Variants in NLK observed in about 807,000 individuals in gnomAD.
NLK encodes nemo like kinase.
A neutral mutation model predicts 59.0 loss-of-function variants in NLK; 11 were observed. That is an observed-to-expected ratio of 0.19 (90% CI 0.12 to 0.31). The LOEUF (loss-of-function observed/expected upper bound fraction) is 0.31, where lower values mean the gene tolerates loss of function less well. NLK is among the 10% of genes least tolerant of loss of function. The probability of loss-of-function intolerance (pLI) is 1.00; values close to 1 mark genes in which losing one functional copy is unlikely to be tolerated. For synonymous variants in NLK, 235 were observed against 235.9 expected (o/e 1.00, Z 0.03); for missense variants, 410 against 661.1 (o/e 0.62, Z 4.16).
chr17:28,074,781 G>A (rs981715575), intron 1 of NLK, among the ~76,000 whole-genome samples: 8 of 152,058 alleles, frequency 5.3e-5, no homozygotes, highest in Admixed American at 2.6e-4. Flanking sequence ...AGAATTCTTC[G>A]TAGAGAGCAA....
intron 1 of NLK, among the ~76,000 whole-genome samples, chr17:28,056,543 A>T (rs1909452062): frequency 1.3e-5 from 2 of 152,236 alleles, no homozygotes; most frequent in African/African-American, 4.8e-5. Context: ...AGGAACGTGC[A>T]TCTGAGAAAA....
chr17:28,126,952 T>C (rs1384675831), intron 2 of NLK, among the ~76,000 whole-genome samples: 1 of 152,178 alleles, frequency 6.6e-6, no homozygotes, highest in Non-Finnish European at 1.5e-5. Flanking sequence ...ATCTTTGAGA[T>C]GAAAGCTATG....
chr17:28,191,307 A>C, intron 9 of NLK, 88 bp downstream of exon 9: 1 of 953,756 alleles, frequency 1.0e-6, no homozygotes, highest in African/African-American at 1.6e-5. Flanking sequence ...TCTGGATGGT[A>C]ACCAAAGCTC....
chr17:28,191,204 G>C lies in NLK; in HGVS notation c.1420G>C (p.Val474Leu). 6.2e-7 allele frequency: 1 copy of C among 1,610,302 alleles called. No individual in the cohort carries two copies. The highest frequency in any genetic ancestry group is 8.5e-7 in the Non-Finnish European group (1 of 1,178,564). ...DDTFEKNLSS[V>L]RQVKEIIHQF... ...CACTTTCGAGAAGAACCTCAGTTCT[G>C]TCCGACAGGTTAAAGGTGAGTATCT... Residue 474 changes from valine to leucine, a missense_variant, in exon 9 of 11, where the codon GTC becomes CTC. Physicochemically the swap from Val to Leu is conservative, Grantham distance 32. This residue lies in a region of NLK where 150 missense variants were observed against 244.3 expected (regional missense o/e 0.61). Coordinates refer to ENST00000407008, the MANE Select transcript of NLK (RefSeq NM_016231.5).
intron 3 of NLK, among the ~76,000 whole-genome samples, chr17:28,145,423 G>C (rs994322463): frequency 3.3e-5 from 5 of 152,170 alleles, no homozygotes; most frequent in Admixed American, 6.5e-5. Flanking sequence ...GAGGTTCTCA[G>C]AGGTCTCACA....
Position 28,111,915 on chromosome 17 carries a change from GT to G in NLK, c.459-10687del, listed in dbSNP as rs1338057548. ...GTGTGTGGTGTGTGTGTGTGTGTGTGTGTGTGTGTGTGTGTGTGTGTGTGTG... is the reference window on the plus strand; with the variant it reads ...GTGTGTGGTGTGTGTGTGTGTGTGTGGTGTGTGTGTGTGTGTGTGTGTGTG... On this transcript the variant is annotated intron_variant, in intron 1 of 10. Coordinates refer to ENST00000407008, the MANE Select transcript of NLK (RefSeq NM_016231.5). Among the ~76,000 whole-genome samples, 3 of 147,056 alleles carry G rather than the reference GT, an allele frequency of 2.0e-5. No individual in the cohort carries two copies. The East Asian group carries it at 6.1e-4, about 30-fold the overall frequency.
intron 1 of NLK, among the ~76,000 whole-genome samples, chr17:28,067,722 T>C (rs1909880126): frequency 6.6e-6 from 1 of 152,020 alleles, no homozygotes; most frequent in African/African-American, 2.4e-5. Context: ...GGATCTTAGA[T>C]GTTAGAGATT....
chr17:28,092,489 G>A (rs1904532099), intron 1 of NLK, among the ~76,000 whole-genome samples: 1 of 152,130 alleles, frequency 6.6e-6, no homozygotes, highest in Admixed American at 6.5e-5. Flanking sequence ...CATAGTTTGT[G>A]AGGGAATTTT....
intron 1 of NLK, among the ~76,000 whole-genome samples, chr17:28,071,400 G>A (rs1485241527): frequency 1.3e-5 from 2 of 150,252 alleles, no homozygotes; most frequent in African/African-American, 2.5e-5. Flanking sequence ...AGAAAGTTGA[G>A]TGTTCCATTC....
intron 1 of NLK, among the ~76,000 whole-genome samples, chr17:28,066,149 T>G (rs1244821049): frequency 6.6e-6 from 1 of 152,118 alleles, no homozygotes; most frequent in African/African-American, 2.4e-5. Context: ...CCTCTGCCCC[T>G]CTCCCTTTCC....
At chr17:28,059,800 A>G (rs1909566613) in intron 1 of NLK, among the ~76,000 whole-genome samples, 1 of 152,180 alleles carries the variant, frequency 6.6e-6, no homozygotes, top group Non-Finnish European at 1.5e-5. Flanking sequence ...ATAATGGCCA[A>G]TTTCAAACCA....
intron 7 of NLK, among the ~76,000 whole-genome samples, 181 bp from the exon 8 acceptor site, chr17:28,184,997 CG>C (rs1567740467): frequency 6.6e-6 from 1 of 151,904 alleles, no homozygotes; most frequent in East Asian, 1.9e-4. Context: ...AAAAATGCTA[CG>C]GGAAGTTAGT....
At chr17:28,077,073 C>CTTTTTT (rs35639099) in intron 1 of NLK, among the ~76,000 whole-genome samples, 29 of 42,480 alleles carry the variant, frequency 6.8e-4, no homozygotes, top group Non-Finnish European at 9.1e-4. Flanking sequence ...CTCTTTCTTT[C>CTTTTTT]TTTTTTTTTT....
chr17:28,111,884 GTGTGTGTGTGT>G (rs1567716973), intron 1 of NLK, among the ~76,000 whole-genome samples: 3 of 127,668 alleles, frequency 2.3e-5, no homozygotes, highest in African/African-American at 9.0e-5. Context: ...GTGTGTGTGT[GTGTGTGTGTGT>G]GGTGTGTGTG....
At chr17:28,198,965 GTGTC>G (rs1212042018), downstream of NLK, among the ~76,000 whole-genome samples, 2 of 152,172 alleles carry the variant, frequency 1.3e-5, no homozygotes, top group African/African-American at 4.8e-5. Context: ...TGGCACAGCT[GTGTC>G]TGTCTTAAAA....
intron 1 of NLK, among the ~76,000 whole-genome samples, chr17:28,100,134 C>T (rs1480349818): frequency 2.0e-5 from 3 of 152,074 alleles, no homozygotes; most frequent in Admixed American, 6.5e-5. Context: ...TTACATTGCT[C>T]ATTTTAGATT....
chr17:28,060,474 G>C (rs1567701892), intron 1 of NLK, among the ~76,000 whole-genome samples: 2 of 152,082 alleles, frequency 1.3e-5, no homozygotes, highest in Admixed American at 6.6e-5. Flanking sequence ...GTTTCACTAT[G>C]TTGCCCAGAC....
chr17:28,150,099 C>G (rs1188806281), intron 3 of NLK, among the ~76,000 whole-genome samples: 1 of 152,142 alleles, frequency 6.6e-6, no homozygotes, highest in African/African-American at 2.4e-5. Context: ...AATGCAAACT[C>G]TGTGTGGAGC....
chr17:28,153,768 A>T (rs1289225933), intron 3 of NLK, among the ~76,000 whole-genome samples: 1 of 152,122 alleles, frequency 6.6e-6, no homozygotes. Context: ...GAATATTGGG[A>T]CTTCTGATTA....
Sources: gnomAD v4.1 joint callset for allele counts (sites outside exome capture counted in the v4.1 genomes callset) on GRCh38, gnomAD v4.1.1 for gene constraint, gnomAD v4.1.1 regional missense constraint, MANE v1.5 for transcripts, NCBI Gene and HGNC (gene_info 2026-07-23, HGNC 2026-07-21) for gene names.